VCAN: variants seen among roughly 807,000 people sequenced by gnomAD.
VCAN encodes the protein versican core protein.
In VCAN, 44 loss-of-function variants were observed where a neutral mutation model predicts 245.5. The observed-to-expected ratio is 0.18, with a 90% confidence interval of 0.14 to 0.23. The LOEUF (loss-of-function observed/expected upper bound fraction) is 0.23. Among genes scored for constraint, VCAN ranks in the 10% least tolerant of loss-of-function variants. The pLI is 1.00. For missense variants in VCAN, 3,793 were observed against 4,057.9 expected (o/e 0.93, Z 1.77); for synonymous variants, 1,413 against 1,437.0 (o/e 0.98, Z 0.38).
At chr5:83,493,109 G>T (rs1241113574) in intron 3 of VCAN, among the ~76,000 whole-genome samples, 1 of 152,238 alleles carries the variant, frequency 6.6e-6, no homozygotes, top group Non-Finnish European at 1.5e-5. Flanking sequence ...TGAGACAGGT[G>T]AGTGTTTCAT....
At position 83,520,285 on chromosome 5, in the gene VCAN, G is replaced by A. The variant is rs535106011; in HGVS notation, c.1979G>A (p.Gly660Asp). 8.1e-6 allele frequency: 13 copies of A among 1,613,872 alleles called. No homozygotes were observed. In the South Asian group the frequency reaches 1.3e-4, roughly 16 times the overall value. ...RTEIELFPYSGDKILVEGIST... is the reference protein window; with the variant it reads ...RTEIELFPYSDDKILVEGIST... Reference sequence around the variant, plus strand: ...GAAATAGAATTGTTTCCTTATTCTGGTGATAAAATATTAGTAGAGGGAATT... The same window carrying A: ...GAAATAGAATTGTTTCCTTATTCTGATGATAAAATATTAGTAGAGGGAATT... The change falls in exon 7 of 15, where the codon GGT becomes GAT. Residue 660 changes from glycine to aspartate, a missense_variant. Gly to Asp is a moderately conservative substitution (Grantham distance 94). This residue lies in a region of VCAN where 3,182 missense variants were observed against 3,250.3 expected (regional missense o/e 0.98). Transcript: ENST00000265077.
intron 6 of VCAN, among the ~76,000 whole-genome samples, chr5:83,518,664 A>G (rs184847419): frequency 1.2e-3 from 183 of 152,326 alleles, no homozygotes; most frequent in African/African-American, 4.1e-3. Context: ...TTAGAAACAA[A>G]TCTACACCAT....
chr5:83,514,453 T>TGTA (rs543584045), intron 6 of VCAN, among the ~76,000 whole-genome samples: 1 of 139,972 alleles, frequency 7.1e-6, no homozygotes, highest in African/African-American at 2.7e-5. Flanking sequence ...TGTGTGTGTA[T>TGTA]TTTTTTTTTT....
At position 83,540,907 on chromosome 5, in the gene VCAN, C is replaced by T. The variant is rs773441210; in HGVS notation, c.7904C>T (p.Thr2635Ile). Reference protein sequence around the residue: ...AAVNLSLTEETFEGSADVLAS... With the variant: ...AAVNLSLTEEIFEGSADVLAS... ...GTCAACCTTTCTTTAACTGAGGAAACATTTGAGGGCTCTGCTGATGTTCTG... is the reference window on the plus strand; with the variant it reads ...GTCAACCTTTCTTTAACTGAGGAAATATTTGAGGGCTCTGCTGATGTTCTG... The change falls in exon 8 of 15, where the codon ACA (threonine) becomes ATA (isoleucine). Residue 2635 changes from threonine to isoleucine, a missense_variant. Physicochemically the swap from Thr to Ile is moderately conservative, Grantham distance 89. This residue lies in a region of VCAN where 3,182 missense variants were observed against 3,250.3 expected (regional missense o/e 0.98). Transcript: ENST00000265077. 4.3e-6 allele frequency: 7 copies of T among 1,613,940 alleles called. No individual in the cohort carries two copies. Among genetic ancestry groups the T allele is most frequent in the East Asian group, 2.2e-5 (1 of 44,858 alleles).
intron 7 of VCAN, among the ~76,000 whole-genome samples, chr5:83,528,949 C>T (rs1379502015): frequency 6.6e-6 from 1 of 150,840 alleles, no homozygotes; most frequent in African/African-American, 2.4e-5. Flanking sequence ...AGCTCTGACA[C>T]ATACTCTTTC....
intron 8 of VCAN, among the ~76,000 whole-genome samples, chr5:83,542,596 G>C (rs1210414494): frequency 1.3e-5 from 2 of 152,092 alleles, no homozygotes; most frequent in South Asian, 4.1e-4. Flanking sequence ...TTTGTCATAT[G>C]TCTCATAGTT....
At chr5:83,483,345 A>G (rs1235856700) in intron 1 of VCAN, among the ~76,000 whole-genome samples, 168 bp from the exon 2 acceptor site, 1 of 152,222 alleles carries the variant, frequency 6.6e-6, no homozygotes, top group African/African-American at 2.4e-5. Context: ...TTCTGCTATT[A>G]CAAGTTTACT....
Position 83,538,278 on chromosome 5 carries a change from C to T in VCAN, c.5275C>T (p.Pro1759Ser). The change falls in exon 8 of 15, where the codon CCA becomes TCA. Residue 1759 changes from proline to serine, a missense_variant. Physicochemically the swap from Pro to Ser is moderately conservative, Grantham distance 74 (BLOSUM62 -1). Around this residue, in one of 5 missense-constraint regions of VCAN, gnomAD observed 3,182 missense variants for 3,250.3 expected, o/e 0.98. Transcript: ENST00000265077. ...QLILPFELES[P>S]NVATSSDSGT... is the part of the protein sequence containing the mutation. ...AATTTTACCCTTTGAATTAGAAAGT[C>T]CAAATGTAGCTACATCTAGTGATTC... 1 of 1,614,020 alleles carries T rather than the reference C, an allele frequency of 6.2e-7. No homozygotes were observed. Among genetic ancestry groups the T allele is most frequent in the Non-Finnish European group, 8.5e-7 (1 of 1,179,968 alleles).
chr5:83,481,788 A>G (rs902409929), intron 1 of VCAN, among the ~76,000 whole-genome samples: 1 of 152,206 alleles, frequency 6.6e-6, no homozygotes, highest in Non-Finnish European at 1.5e-5. Context: ...TCTAATTCTT[A>G]TTTCAAAATA....
chr5:83,493,888 C>G lies in VCAN; in HGVS notation c.705C>G (p.Pro235=), dbSNP rs762092288. The change falls in exon 5 of 15, where the codon CCC becomes CCG. Residue 235 remains proline (P), a synonymous_variant. Coordinates refer to ENST00000265077, the MANE Select transcript of VCAN (RefSeq NM_004385.5). ...TCAGGACTTATGGATTCCGTTCTCC[C>G]CAGGAAACTTACGATGTGTATTGTT... ...AGVRTYGFRS[P]QETYDVYCYV... is the part of the protein sequence containing the mutation. The G allele has an allele frequency of 7.4e-6, 12 of 1,614,052 alleles. No homozygotes were observed. In the South Asian group the frequency reaches 1.3e-4, roughly 18 times the overall value.
rs1233399295 is a variant in VCAN, at chr5:83,540,976, A to C, written c.7973A>C (p.Glu2658Ala). The C allele has an allele frequency of 6.2e-7, 1 of 1,614,114 alleles. No individual in the cohort carries two copies. The highest frequency in any genetic ancestry group is 1.1e-5 in the South Asian group (1 of 91,088). ...ACACATGATGAATCAATGACTTATG[A>C]AGATAGAAGCCAACTAGATCACATG... ...QATHDESMTY[E>A]DRSQLDHMGF... is the part of the protein sequence containing the mutation. Residue 2658 changes from glutamate (E) to alanine (A), a missense_variant, in exon 8 of 15, where the codon GAA becomes GCA. By Grantham distance (107) the Glu-to-Ala change is moderately radical. Coordinates refer to ENST00000265077, the MANE Select transcript of VCAN (RefSeq NM_004385.5).
rs1326699840 is a variant in VCAN, at chr5:83,553,418, A to G, written c.9548A>G (p.Tyr3183Cys). 6.2e-7 allele frequency: 1 copy of G among 1,613,890 alleles called. No homozygotes were observed. The highest frequency in any genetic ancestry group is 1.3e-5 in the African/African-American group (1 of 74,886). ...AAATTCCAAGGGCAGTGCTACAAATACTTTGCCCATCGACGCACATGGGAT... is the reference window on the plus strand; with the variant it reads ...AAATTCCAAGGGCAGTGCTACAAATGCTTTGCCCATCGACGCACATGGGAT... ...WHKFQGQCYKYFAHRRTWDAA... is the reference protein window; with the variant it reads ...WHKFQGQCYKCFAHRRTWDAA... Residue 3183 changes from tyrosine to cysteine, a missense_variant, in exon 11 of 15, where the codon TAC (tyrosine) becomes TGC (cysteine). Around this residue, in one of 5 missense-constraint regions of VCAN, gnomAD observed 205 missense variants for 321.1 expected, o/e 0.64. Transcript: ENST00000265077.
At position 83,490,429 on chromosome 5, in the gene VCAN, C is replaced by T. The variant is rs558279284; in HGVS notation, c.402C>T (p.Tyr134=). 18 of 1,614,096 alleles carry T rather than the reference C, an allele frequency of 1.1e-5. No individual in the cohort carries two copies. Among genetic ancestry groups the T allele is most frequent in the African/African-American group, 5.3e-5 (4 of 75,004 alleles). Residue 134 remains tyrosine (Y), a synonymous_variant, in exon 3 of 15, where the codon TAC becomes TAT. Coordinates refer to ENST00000265077, the MANE Select transcript of VCAN (RefSeq NM_004385.5). The part of the protein sequence containing the change: ...DAGLYRCDVM[Y]GIEDTQDTVS... ...GTCTTTACCGCTGTGACGTCATGTA[C>T]GGGATTGAAGACACACAAGACACGG...
chr5:83,542,808 A>C (rs751950556), intron 8 of VCAN, among the ~76,000 whole-genome samples: 2 of 152,230 alleles, frequency 1.3e-5, no homozygotes, highest in Non-Finnish European at 2.9e-5. Flanking sequence ...GACAGTCTAC[A>C]TAATGCATCA....
chr5:83,507,957 C>T (rs1745531068), intron 5 of VCAN, among the ~76,000 whole-genome samples: 1 of 152,050 alleles, frequency 6.6e-6, no homozygotes, highest in African/African-American at 2.4e-5. Flanking sequence ...AAGACTTATT[C>T]CTGGAATTTA....
chr5:83,547,155 G>C (rs1015850378), intron 9 of VCAN, among the ~76,000 whole-genome samples: 4 of 152,166 alleles, frequency 2.6e-5, no homozygotes, highest in African/African-American at 9.7e-5. Context: ...GACAGTACCA[G>C]AAGGCAGGTT....
chr5:83,503,314 T>G (rs1162475729), intron 5 of VCAN, among the ~76,000 whole-genome samples: 1 of 152,232 alleles, frequency 6.6e-6, no homozygotes, highest in Non-Finnish European at 1.5e-5. Context: ...GAATTGTTGC[T>G]ATCACCTTGA....
intron 7 of VCAN, among the ~76,000 whole-genome samples, chr5:83,530,885 A>T (rs1036839315): frequency 6.6e-6 from 1 of 152,170 alleles, no homozygotes; most frequent in Non-Finnish European, 1.5e-5. Flanking sequence ...TCATGTGGTC[A>T]TCTGAGAGCT....
chr5:83,527,500 G>A (rs1362041908), intron 7 of VCAN, among the ~76,000 whole-genome samples: 1 of 152,186 alleles, frequency 6.6e-6, no homozygotes, highest in Non-Finnish European at 1.5e-5. Flanking sequence ...TCAAATAAAA[G>A]GGAAGAGAAT....
Sources: allele counts gnomAD v4.1 joint callset (sites outside exome capture counted in the v4.1 genomes callset), GRCh38; gene constraint gnomAD v4.1.1; regional missense constraint gnomAD v4.1.1; transcripts MANE v1.5; gene names NCBI Gene and HGNC (gene_info 2026-07-23, HGNC 2026-07-21).